UQCC1: variants seen among roughly 807,000 people sequenced by gnomAD.
UQCC1 encodes bFGF-repressed Zic-binding protein.
A neutral mutation model predicts 48.0 loss-of-function variants in UQCC1; 38 were observed. The ratio of observed to expected loss-of-function variants is 0.79; its 90% confidence interval spans 0.61 to 1.04. The LOEUF (loss-of-function observed/expected upper bound fraction) is 1.04. Ranked by LOEUF, UQCC1 falls within the 50% of genes least tolerant of loss-of-function variation. The probability of loss-of-function intolerance (pLI) is 0.00; values close to 1 mark genes in which losing one functional copy is unlikely to be tolerated. For missense variants in UQCC1, 368 were observed against 381.8 expected, an observed-to-expected ratio of 0.96 and a Z score of 0.30; for synonymous variants, 111 against 129.2, an observed-to-expected ratio of 0.86 and a Z score of 0.95.
intron 5 of UQCC1, among the ~76,000 whole-genome samples, chr20:35,371,141 A>C (rs188877520): frequency 6.6e-5 from 10 of 152,322 alleles, no homozygotes; most frequent in African/African-American, 2.4e-4. Flanking sequence ...TATGAATTGA[A>C]ACATGATATG....
rs999040943 is a variant in UQCC1, at chr20:35,381,965, T to C, written c.286A>G (p.Ile96Val). The C allele has an allele frequency of 6.2e-7, 1 of 1,613,408 alleles. No homozygotes were observed. Among genetic ancestry groups the C allele is most frequent in the African/African-American group, 1.3e-5 (1 of 75,018 alleles). ...VEEKVGAFTK[I>V]IEAMGFTGPL... Reference sequence around the variant, plus strand: ...CCCGTGAATCCCATGGCTTCTATTATCTTTGTGAAAGCACCAACCTTCTCC... The same window carrying C: ...CCCGTGAATCCCATGGCTTCTATTACCTTTGTGAAAGCACCAACCTTCTCC... The change falls in exon 4 of 10, where the codon ATA (isoleucine) becomes GTA (valine). Residue 96 changes from isoleucine (I) to valine (V), a missense_variant. Ile to Val is a conservative substitution (Grantham distance 29). Coordinates refer to ENST00000374385, the MANE Select transcript of UQCC1 (RefSeq NM_018244.5).
At chr20:35,357,846 T>TTCAC (rs940729052) in intron 6 of UQCC1, among the ~76,000 whole-genome samples, 3 of 152,090 alleles carry the variant, frequency 2.0e-5, no homozygotes, top group African/African-American at 7.2e-5. Flanking sequence ...AGTAAGCTAT[T>TTCAC]TCACAATACA....
At chr20:35,394,507 T>C (rs2062051570) in intron 1 of UQCC1, among the ~76,000 whole-genome samples, 1 of 152,142 alleles carries the variant, frequency 6.6e-6, no homozygotes, top group Middle Eastern at 3.4e-3. Context: ...CCTCAAGGCA[T>C]CCCCACCTCC....
Position 35,382,019 on chromosome 20 carries a change from T to C in UQCC1, c.232A>G (p.Thr78Ala). The C allele has an allele frequency of 6.3e-7, 1 of 1,588,106 alleles. No individual in the cohort carries two copies. The highest frequency in any genetic ancestry group is 8.5e-7 in the Non-Finnish European group (1 of 1,171,094). The change falls in exon 4 of 10, where the codon ACT becomes GCT. Residue 78 changes from threonine (T) to alanine (A), a missense_variant. By Grantham distance (58) the Thr-to-Ala change is moderately conservative. Coordinates refer to ENST00000374385, the MANE Select transcript of UQCC1 (RefSeq NM_018244.5). ...RKYHTTRKLS[T>A]TKDSPQPVEE... ...ACAGGCTGTGGGGAATCTTTGGTAG[T>C]AGAAAGCTGATTAACCAAAAAGAAA...
chr20:35,346,918 A>C, intron 7 of UQCC1: 1 of 1,404,222 alleles, frequency 7.1e-7, no homozygotes, highest in South Asian at 1.4e-5. Flanking sequence ...TGGGCTTTAC[A>C]ATCCCATCTC....
At chr20:35,339,050 T>C (rs993406131) in intron 7 of UQCC1, among the ~76,000 whole-genome samples, 4 of 150,890 alleles carry the variant, frequency 2.7e-5, no homozygotes, top group Non-Finnish European at 5.9e-5. Context: ...CAGGCTTAAA[T>C]GAGAGCCAGG....
intron 1 of UQCC1, among the ~76,000 whole-genome samples, chr20:35,394,436 T>TTCATGCA (rs1285066378): frequency 6.6e-6 from 1 of 152,210 alleles, no homozygotes; most frequent in East Asian, 1.9e-4. Flanking sequence ...TCATGCAGGA[T>TTCATGCA]GGAGGCTGGT....
At chr20:35,348,443 GC>G (rs1269742951) in intron 6 of UQCC1, among the ~76,000 whole-genome samples, 3 of 152,176 alleles carry the variant, frequency 2.0e-5, no homozygotes, top group African/African-American at 7.2e-5. Context: ...AGGCTGGAGT[GC>G]AGTGGCGCCA....
chr20:35,400,328 A>G (rs2062144903), intron 1 of UQCC1, among the ~76,000 whole-genome samples: 1 of 152,132 alleles, frequency 6.6e-6, no homozygotes, highest in Non-Finnish European at 1.5e-5. Flanking sequence ...TATTAGGCCT[A>G]TAACAATTAG....
chr20:35,353,452 G>A (rs1198652365), intron 6 of UQCC1, among the ~76,000 whole-genome samples: 1 of 151,106 alleles, frequency 6.6e-6, no homozygotes, highest in Non-Finnish European at 1.5e-5. Context: ...GTTACAGTAA[G>A]TTAAGTTTAA....
intron 7 of UQCC1, among the ~76,000 whole-genome samples, chr20:35,322,141 C>T (rs543063410): frequency 6.6e-6 from 1 of 152,292 alleles, no homozygotes; most frequent in South Asian, 2.1e-4. Flanking sequence ...TAGTATTCCA[C>T]ATGACAAGTC....
intron 5 of UQCC1, among the ~76,000 whole-genome samples, chr20:35,367,092 T>C (rs1182693905): frequency 9.8e-6 from 1 of 101,796 alleles, no homozygotes; most frequent in African/African-American, 3.5e-5. Flanking sequence ...AGACTCTGTC[T>C]AAAAAAAAAA....
At chr20:35,312,619 T>C (rs977913648) in intron 8 of UQCC1, among the ~76,000 whole-genome samples, 1 of 152,170 alleles carries the variant, frequency 6.6e-6, no homozygotes, top group Non-Finnish European at 1.5e-5. Context: ...GGGTCATGCT[T>C]GCATTAAATC....
chr20:35,312,769 G>A (rs571908956), intron 8 of UQCC1, among the ~76,000 whole-genome samples: 1 of 152,202 alleles, frequency 6.6e-6, no homozygotes, highest in African/African-American at 2.4e-5. Flanking sequence ...GAACCTCGAG[G>A]GCATTATGTT....
At chr20:35,360,621 A>G (rs2061594804) in intron 6 of UQCC1, among the ~76,000 whole-genome samples, 1 of 151,966 alleles carries the variant, frequency 6.6e-6, no homozygotes, top group South Asian at 2.1e-4. Context: ...TTACTCCTCA[A>G]TCCCATATAG....
At chr20:35,378,584 C>T (rs905054877) in intron 4 of UQCC1, among the ~76,000 whole-genome samples, 7 of 152,080 alleles carry the variant, frequency 4.6e-5, no homozygotes, top group African/African-American at 1.4e-4. Flanking sequence ...GAGCCGAGAT[C>T]GCGCCACTGC....
chr20:35,389,137 G>A (rs1239529187), intron 2 of UQCC1, among the ~76,000 whole-genome samples: 1 of 151,998 alleles, frequency 6.6e-6, no homozygotes, highest in African/African-American at 2.4e-5. Flanking sequence ...CTAGGGCCAG[G>A]GCAAAGAAAA....
chr20:35,330,610 T>A (rs978906550), intron 7 of UQCC1, among the ~76,000 whole-genome samples: 2 of 152,160 alleles, frequency 1.3e-5, no homozygotes, highest in African/African-American at 2.4e-5. Context: ...CCCTAGTACG[T>A]TATGAACCCC....
intron 6 of UQCC1, among the ~76,000 whole-genome samples, chr20:35,353,411 A>T (rs1040354222): frequency 2.0e-5 from 3 of 151,612 alleles, no homozygotes; most frequent in Non-Finnish European, 2.9e-5. Flanking sequence ...AAAAAAAAAA[A>T]TTTAAATTAA....
Sources: allele counts gnomAD v4.1 joint callset (sites outside exome capture counted in the v4.1 genomes callset), GRCh38; gene constraint gnomAD v4.1.1; transcripts MANE v1.5; gene names NCBI Gene and HGNC (gene_info 2026-07-23, HGNC 2026-07-21).